The following ADRA1B variants were observed in gnomAD, a reference collection of about 807,000 sequenced individuals.
ADRA1B encodes adrenoceptor alpha 1B.
A neutral mutation model predicts 17.9 loss-of-function variants in ADRA1B; 17 were observed. The ratio of observed to expected loss-of-function variants is 0.95; its 90% CI spans 0.65 to 1.42. ADRA1B has a LOEUF of 1.42. ADRA1B is among the 40% of genes most tolerant of loss of function. The probability of loss-of-function intolerance (pLI) is 0.00; values close to 1 mark genes in which losing one functional copy is unlikely to be tolerated. For missense variants in ADRA1B, 681 were observed against 722.1 expected, an observed-to-expected ratio of 0.94 and a Z score of 0.65; for synonymous variants, 366 against 327.6, an observed-to-expected ratio of 1.12 and a Z score of -1.27.
chr5:159,887,464 C>T (rs1753937777), intron 1 of ADRA1B, among the ~76,000 whole-genome samples: 1 of 152,304 alleles, frequency 6.6e-6, no homozygotes, highest in South Asian at 2.1e-4. Context: ...TCAAATATCT[C>T]CCCAGGATTT....
chr5:159,870,654 G>T (rs1029969433), intron 1 of ADRA1B: 3 of 152,224 alleles, frequency 2.0e-5, no homozygotes, highest in Non-Finnish European at 4.4e-5. Flanking sequence ...CGGGTGTGAA[G>T]GGAGAAGTTG....
At chr5:159,959,115 C>T (rs1755618776) in intron 1 of ADRA1B, among the ~76,000 whole-genome samples, 1 of 152,100 alleles carries the variant, frequency 6.6e-6, no homozygotes, top group Admixed American at 6.5e-5. Flanking sequence ...TTTTACAGTT[C>T]CCAAAGAGTT....
the ADRA1B span, among the ~76,000 whole-genome samples, chr5:159,984,743 C>CAA: frequency 3.2e-5 from 4 of 125,604 alleles, no homozygotes; most frequent in African/African-American, 5.7e-5. Flanking sequence ...ACTAAAAATA[C>CAA]AAAAAAAAAA....
In ADRA1B at chr5:159,950,111, T is replaced by A. The variant is rs548233846; in HGVS notation, c.950-21768T>A. 6.0e-4 allele frequency among the ~76,000 whole-genome samples: 91 copies of A among 152,352 alleles called. 2 individuals are homozygous for A. The Middle Eastern group carries it at 0.014, about 23-fold the overall frequency. The stretch of plus-strand genomic sequence containing the variant: ...GTGCTCCCTGGGAGGAATGGGGCAG[T>A]TTTTTGTAATGATCCATCAGGGAAG... On this transcript the variant is annotated intron_variant, in intron 1 of 1. Coordinates refer to ENST00000306675, the MANE Select transcript of ADRA1B (RefSeq NM_000679.4).
intron 1 of ADRA1B, among the ~76,000 whole-genome samples, chr5:159,959,545 A>C (rs1263591777): frequency 6.6e-6 from 1 of 152,234 alleles, no homozygotes; most frequent in Admixed American, 6.5e-5. Flanking sequence ...TAGAGAGAAG[A>C]GCAGAGACTT....
At chr5:159,881,669 C>G (rs1169597517) in intron 1 of ADRA1B, among the ~76,000 whole-genome samples, 1 of 152,044 alleles carries the variant, frequency 6.6e-6, no homozygotes, top group Non-Finnish European at 1.5e-5. Flanking sequence ...GATTCGAAGG[C>G]TGTCTTAGAG....
chr5:159,870,145 G>C (rs1358206720), intron 1 of ADRA1B: 1 of 152,186 alleles, frequency 6.6e-6, no homozygotes, highest in Non-Finnish European at 1.5e-5. Flanking sequence ...ATAACAGAGA[G>C]GAAGGAGACT....
At chr5:159,908,842 A>G (rs1754194302) in intron 1 of ADRA1B, among the ~76,000 whole-genome samples, 1 of 152,216 alleles carries the variant, frequency 6.6e-6, no homozygotes, top group Non-Finnish European at 1.5e-5. Flanking sequence ...GTAAGTGGGT[A>G]GCGCTCCAAA....
chr5:159,982,122 G>T, the ADRA1B span, among the ~76,000 whole-genome samples: 2 of 152,186 alleles, frequency 1.3e-5, no homozygotes, highest in Admixed American at 1.3e-4. Context: ...CTAAGGTCCC[G>T]GCCAACAGTC....
intron 1 of ADRA1B, among the ~76,000 whole-genome samples, chr5:159,943,425 G>T (rs1186845399): frequency 6.6e-6 from 1 of 151,992 alleles, no homozygotes; most frequent in Non-Finnish European, 1.5e-5. Flanking sequence ...AACTCTCTAG[G>T]GCTGAAAGTA....
At chr5:159,881,624 C>G (rs73817237) in intron 1 of ADRA1B, among the ~76,000 whole-genome samples, 3,522 of 152,146 alleles carry the variant, frequency 0.023, 135 homozygotes, top group African/African-American at 0.079. Flanking sequence ...TCTACTGGTA[C>G]AAAATGTGGC....
rs776218973 is a variant in ADRA1B, at chr5:159,917,174, C to A, written c.269C>A (p.Ala90Asp). ...TACTTCATTGTCAACCTGGCCATGG[C>A]CGACCTGCTGTTGAGCTTCACCGTC... ...TNYFIVNLAM[A>D]DLLLSFTVLP... The change falls in exon 1 of 2, where the codon GCC (alanine) becomes GAC (aspartate). Residue 90 changes from alanine to aspartate, a missense_variant. This residue lies in a region of ADRA1B where 424 missense variants were observed against 480.2 expected (regional missense o/e 0.88). Coordinates refer to ENST00000306675, the MANE Select transcript of ADRA1B (RefSeq NM_000679.4). The A allele has an allele frequency of 6.2e-7, 1 of 1,614,198 alleles. No individual in the cohort carries two copies. The highest frequency in any genetic ancestry group is 8.5e-7 in the Non-Finnish European group (1 of 1,180,036).
intron 1 of ADRA1B, chr5:159,950,484 C>T (rs1159731772): frequency 1.4e-6 from 2 of 1,427,638 alleles, no homozygotes; most frequent in Non-Finnish European, 1.9e-6. Context: ...GGCTGGTGGT[C>T]CAGGGGTGTT....
chr5:159,953,847 A>G (rs1755497706), intron 1 of ADRA1B, among the ~76,000 whole-genome samples: 1 of 152,024 alleles, frequency 6.6e-6, no homozygotes, highest in Non-Finnish European at 1.5e-5. Context: ...TCCAAAACCT[A>G]TGCCAAATTG....
At chr5:159,938,219 G>A (rs1472765410) in intron 1 of ADRA1B, among the ~76,000 whole-genome samples, 2 of 152,192 alleles carry the variant, frequency 1.3e-5, no homozygotes, top group Non-Finnish European at 2.9e-5. Flanking sequence ...ACTCCATCCA[G>A]AATCCATTCT....
chr5:159,916,751 C>G lies in ADRA1B; in HGVS notation c.-155C>G. On this transcript the variant is annotated 5_prime_UTR_variant, in exon 1 of 2. Coordinates refer to ENST00000306675, the MANE Select transcript of ADRA1B (RefSeq NM_000679.4). ...TCGGTGCAGGCAGGAGACGTGCTGCCGGGCTGGGCTGCCCGGGGGAGATGA... is the reference window on the plus strand; with the variant it reads ...TCGGTGCAGGCAGGAGACGTGCTGCGGGGCTGGGCTGCCCGGGGGAGATGA... The G allele has an allele frequency of 1.5e-6, 1 of 681,304 alleles. No homozygotes were observed. The highest frequency in any genetic ancestry group is 2.5e-6 in the Non-Finnish European group (1 of 400,772). The allele number at this position is 681,304 out of a possible 1,614,324, so 42.2% of individuals were successfully genotyped here. A position where few individuals can be genotyped will look rare whatever the true frequency, so the allele number is the denominator to read the frequency against.
chr5:159,951,435 C>G, intron 1 of ADRA1B: 1 of 761,236 alleles, frequency 1.3e-6, no homozygotes, highest in Admixed American at 1.7e-5. Flanking sequence ...GAGTTAAAAG[C>G]TGCCCTGGTG....
chr5:159,909,707 T>C (rs1201973540), intron 1 of ADRA1B, among the ~76,000 whole-genome samples: 2 of 152,238 alleles, frequency 1.3e-5, no homozygotes, highest in Non-Finnish European at 2.9e-5. Flanking sequence ...TCAGTTCAAG[T>C]TCTGTTCCAT....
rs549153971 is a variant in ADRA1B, at chr5:159,886,586, C to T, written c.-256+21380C>T. 3.9e-4 allele frequency among the ~76,000 whole-genome samples: 60 copies of T among 152,310 alleles called. 1 individual carries two copies. Among genetic ancestry groups the T allele is most frequent in the Non-Finnish European group, 6.8e-4 (46 of 68,024 alleles). ...GAAAGAAAGCAAATACTTGAAGCTG[C>T]CTCTTGCTAAGGATGAGTCACAGGG... On this transcript the variant is annotated intron_variant, in intron 1 of 2. Transcript: ENST00000641205.
Sources: gnomAD v4.1 joint callset for allele counts (sites outside exome capture counted in the v4.1 genomes callset) on GRCh38, gnomAD v4.1.1 for gene constraint, gnomAD v4.1.1 regional missense constraint, MANE v1.5 for transcripts, NCBI Gene and HGNC (gene_info 2026-07-23, HGNC 2026-07-21) for gene names.